Variants in FRMD4A observed in about 807,000 individuals in gnomAD.
FRMD4A encodes FERM domain containing 4A, also known as FERM domain-containing protein 4A.
FRMD4A carries 29 observed loss-of-function variants against 129.1 expected under a neutral mutation model. The observed-to-expected ratio is 0.22, with a 90% CI of 0.17 to 0.31. The LOEUF (loss-of-function observed/expected upper bound fraction) is 0.31, where lower values mean the gene tolerates loss of function less well. Among genes scored for constraint, FRMD4A ranks in the 10% least tolerant of loss-of-function variants. The probability of loss-of-function intolerance (pLI) is 1.00; values close to 1 mark genes in which losing one functional copy is unlikely to be tolerated. For missense variants in FRMD4A, 1,272 were observed against 1,375.8 expected (o/e 0.92, Z 1.19); for synonymous variants, 634 against 571.6 (o/e 1.11, Z -1.56).
chr10:13,682,397 G>C (rs1041915324), intron 15 of FRMD4A, among the ~76,000 whole-genome samples: 5 of 152,182 alleles, frequency 3.3e-5, no homozygotes, highest in African/African-American at 1.2e-4. Flanking sequence ...GGAGGAGAAG[G>C]GTAAGGAAAT....
chr10:13,885,204 G>T (rs2094604884), intron 2 of FRMD4A, among the ~76,000 whole-genome samples: 1 of 152,180 alleles, frequency 6.6e-6, no homozygotes, highest in African/African-American at 2.4e-5. Context: ...GGGAAACATA[G>T]CAAGATCCCA....
At chr10:14,089,063 G>C (rs1321619381) in intron 2 of FRMD4A, among the ~76,000 whole-genome samples, 2 of 152,140 alleles carry the variant, frequency 1.3e-5, no homozygotes, top group African/African-American at 4.8e-5. Flanking sequence ...AGCAGAGCCT[G>C]GAAGATGAGT....
rs534665477 is a variant in FRMD4A at position 13,857,736 on chromosome 10, T to C, written c.111+1111A>G. ...GCAGCTTCCTCACAACAAAATGTGA[T>C]AGAGAATGAGACACAATGCTCTAGG... On this transcript the variant is annotated intron_variant, in intron 3 of 24. Coordinates refer to ENST00000357447, the MANE Select transcript of FRMD4A (RefSeq NM_018027.5). Among the ~76,000 whole-genome samples the C allele has an allele frequency of 4.6e-5, 7 of 152,284 alleles. No homozygotes were observed. The East Asian group carries it at 1.2e-3, about 25-fold the overall frequency.
intron 2 of FRMD4A, among the ~76,000 whole-genome samples, chr10:14,280,329 A>T (rs187203490): frequency 0.012 from 1,820 of 149,630 alleles, 48 homozygotes; most frequent in African/African-American, 0.043. Flanking sequence ...TTTTTTTTTT[A>T]AATTTAGGGT....
intron 2 of FRMD4A, among the ~76,000 whole-genome samples, chr10:13,959,248 C>T (rs12256026): frequency 1.3e-5 from 2 of 152,064 alleles, no homozygotes; most frequent in Admixed American, 6.5e-5. Flanking sequence ...CCAAGGCAGG[C>T]AGATCATGAG....
chr10:13,931,143 C>T (rs968364180), intron 2 of FRMD4A, among the ~76,000 whole-genome samples: 4 of 152,232 alleles, frequency 2.6e-5, no homozygotes, highest in South Asian at 2.1e-4. Context: ...GGTGTTGAGC[C>T]ATAAAGAGGT....
At chr10:13,853,829 CAA>C (rs745585369) in intron 3 of FRMD4A, among the ~76,000 whole-genome samples, 56 of 89,836 alleles carry the variant, frequency 6.2e-4, no homozygotes, top group African/African-American at 2.0e-3. Context: ...AAGACTCTCT[CAA>C]AAAAAAAAAA....
At chr10:13,915,397 G>A (rs1053690472) in intron 2 of FRMD4A, among the ~76,000 whole-genome samples, 54 of 152,044 alleles carry the variant, frequency 3.6e-4, no homozygotes, top group African/African-American at 1.2e-3. Flanking sequence ...GTGAGGCTGG[G>A]CTCGGTGGCT....
At chr10:14,204,731 C>T (rs758804180) in intron 2 of FRMD4A, among the ~76,000 whole-genome samples, 4 of 152,070 alleles carry the variant, frequency 2.6e-5, no homozygotes, top group East Asian at 1.9e-4. Flanking sequence ...CATACTTAAT[C>T]GGAGCCTGGA....
intron 24 of FRMD4A, chr10:13,648,173 G>C (rs551571329): frequency 6.6e-6 from 1 of 152,310 alleles, no homozygotes; most frequent in South Asian, 2.1e-4. Context: ...TATACTGGTG[G>C]ATTTTAATGA....
chr10:13,980,872 T>C (rs1017792730), intron 2 of FRMD4A, among the ~76,000 whole-genome samples: 2 of 152,184 alleles, frequency 1.3e-5, no homozygotes, highest in Non-Finnish European at 2.9e-5. Flanking sequence ...ATGAATGATC[T>C]GTCTTGAGTT....
At chr10:13,966,410 A>T (rs2095485631) in intron 2 of FRMD4A, among the ~76,000 whole-genome samples, 1 of 152,222 alleles carries the variant, frequency 6.6e-6, no homozygotes, top group African/African-American at 2.4e-5. Flanking sequence ...ACCCGCAATT[A>T]CTTTTGCACT....
At chr10:13,737,202 G>A (rs980975789) in intron 12 of FRMD4A, among the ~76,000 whole-genome samples, 1 of 152,182 alleles carries the variant, frequency 6.6e-6, no homozygotes, top group Non-Finnish European at 1.5e-5. Context: ...CGATTCTCAT[G>A]CCTCAGCCTC....
chr10:13,924,995 C>T (rs191000782), intron 2 of FRMD4A, among the ~76,000 whole-genome samples: 17 of 134,162 alleles, frequency 1.3e-4, no homozygotes, highest in African/African-American at 2.2e-4. Flanking sequence ...ACCTGGGAGG[C>T]GGAGGTTGCA....
At chr10:13,918,568 G>A (rs140567520) in intron 2 of FRMD4A, among the ~76,000 whole-genome samples, 1,812 of 152,084 alleles carry the variant, frequency 0.012, 16 homozygotes, top group Non-Finnish European at 0.019. Context: ...TCACTCTGTC[G>A]CCCAGGCTGG....
chr10:13,777,344 A>ACAATTTAAAAAT (rs146965440), intron 6 of FRMD4A, among the ~76,000 whole-genome samples: 1 of 151,732 alleles, frequency 6.6e-6, no homozygotes, highest in African/African-American at 2.4e-5. Flanking sequence ...GTATATATAA[A>ACAATTTAAAAAT]AAATTTAAAT....
At chr10:13,903,217 C>T (rs539917309) in intron 2 of FRMD4A, among the ~76,000 whole-genome samples, 50 of 152,288 alleles carry the variant, frequency 3.3e-4, no homozygotes, top group South Asian at 2.3e-3. Context: ...AATAGCAACT[C>T]CTCCCACCTG....
intron 2 of FRMD4A, among the ~76,000 whole-genome samples, chr10:13,947,916 A>C (rs973603865): frequency 2.6e-5 from 4 of 152,182 alleles, no homozygotes; most frequent in African/African-American, 9.7e-5. Flanking sequence ...CAAACTTATC[A>C]GGCGGGGCAT....
chr10:13,723,765 T>A (rs1451475792), intron 12 of FRMD4A, among the ~76,000 whole-genome samples: 1 of 152,186 alleles, frequency 6.6e-6, no homozygotes, highest in Non-Finnish European at 1.5e-5. Context: ...AGGGGGAAGG[T>A]AGAAGATGTA....
Sources: allele counts gnomAD v4.1 joint callset (sites outside exome capture counted in the v4.1 genomes callset), GRCh38; gene constraint gnomAD v4.1.1; transcripts MANE v1.5; gene names NCBI Gene and HGNC (gene_info 2026-07-23, HGNC 2026-07-21).